EYS: variants seen among roughly 807,000 people sequenced by gnomAD.
EYS encodes the protein EGF-like photoreceptor maintenance factor, also known as protein eyes shut homolog.
EYS carries 250 observed loss-of-function variants against 282.1 expected under a neutral mutation model. That is an observed-to-expected ratio of 0.89 (90% CI 0.80 to 0.98). The LOEUF (loss-of-function observed/expected upper bound fraction) is 0.98, where lower values mean the gene tolerates loss of function less well. Among genes scored for constraint, EYS ranks in the 50% least tolerant of loss-of-function variants. EYS has a pLI of 0.00. For missense variants in EYS, 4,016 were observed against 3,709.0 expected (o/e 1.08, Z -2.15); for synonymous variants, 1,355 against 1,282.9 (o/e 1.06, Z -1.20).
At chr6:64,896,504 T>C (rs890804667) in intron 18 of EYS, among the ~76,000 whole-genome samples, 2 of 151,624 alleles carry the variant, frequency 1.3e-5, no homozygotes, top group African/African-American at 4.9e-5. Flanking sequence ...AAAAACTGGG[T>C]GGCCGTTTGG....
intron 30 of EYS, among the ~76,000 whole-genome samples, chr6:64,285,464 G>C (rs961757867): frequency 1.1e-4 from 17 of 152,168 alleles, no homozygotes; most frequent in African/African-American, 4.1e-4. Context: ...TGATTTCACT[G>C]TCCATATCAT....
chr6:65,456,516 C>T (rs1288831200), intron 5 of EYS, among the ~76,000 whole-genome samples: 1 of 151,816 alleles, frequency 6.6e-6, no homozygotes, highest in Non-Finnish European at 1.5e-5. Context: ...TTCATTACCA[C>T]TGTTCTTGTA....
In EYS at chr6:63,829,205, C is replaced by T. The variant is rs540567918; in HGVS notation, c.7229-22833G>A. ...ATTTCTGCATTTCCAACTGAGGTACCGGGTTCGTCTCACTGGGGCTTGTCA... is the reference window on the plus strand; with the variant it reads ...ATTTCTGCATTTCCAACTGAGGTACTGGGTTCGTCTCACTGGGGCTTGTCA... On this transcript the variant is annotated intron_variant, in intron 36 of 42. Transcript: ENST00000503581. Among the ~76,000 whole-genome samples, 17 of 152,212 alleles carry T rather than the reference C, an allele frequency of 1.1e-4. No individual in the cohort carries two copies. In the South Asian group the frequency reaches 1.5e-3, roughly 13 times the overall value.
intron 12 of EYS, among the ~76,000 whole-genome samples, chr6:65,198,783 G>A (rs1170380062): frequency 6.6e-6 from 1 of 152,100 alleles, no homozygotes; most frequent in African/African-American, 2.4e-5. Context: ...AGGGGGATTT[G>A]GTTGTTCAGA....
rs116079071 is a variant in EYS at position 63,980,274 on chromosome 6, G to T, written c.7055+4109C>A. The stretch of plus-strand genomic sequence containing the variant: ...GATTAGAATGCTCAAGAGTGTGTGT[G>T]TGTGTGTGTTGAAAAATCTCTCTTT... On this transcript the variant is annotated intron_variant, in intron 35 of 42. Transcript: ENST00000503581. 7.9e-3 allele frequency among the ~76,000 whole-genome samples: 1,203 copies of T among 151,846 alleles called. 5 individuals are homozygous for T. Among genetic ancestry groups the T allele is most frequent in the Middle Eastern group, 0.017 (5 of 294 alleles).
intron 25 of EYS, among the ~76,000 whole-genome samples, 192 bp downstream of exon 25, chr6:64,592,925 A>G (rs902138747): frequency 1.3e-5 from 2 of 152,152 alleles, no homozygotes; most frequent in African/African-American, 4.8e-5. Context: ...CTGATCCAGA[A>G]ATAGTATTAG....
chr6:65,124,291 C>T (rs529237818), intron 12 of EYS, among the ~76,000 whole-genome samples: 1 of 152,214 alleles, frequency 6.6e-6, no homozygotes, highest in Admixed American at 6.5e-5. Flanking sequence ...TTGATGTTCG[C>T]TTTGTCACAT....
rs551782625 is a variant in EYS at position 65,028,808 on chromosome 6, T to C, written c.2137+28806A>G. On this transcript the variant is annotated intron_variant, in intron 13 of 42. Coordinates refer to ENST00000503581, the MANE Select transcript of EYS (RefSeq NM_001142800.2). ...AAGAACTATAAACATGTATTTTTGTTAAAGAATCTTTCACCCACTAGTTTA... is the reference window on the plus strand; with the variant it reads ...AAGAACTATAAACATGTATTTTTGTCAAAGAATCTTTCACCCACTAGTTTA... 4.6e-5 allele frequency among the ~76,000 whole-genome samples: 7 copies of C among 152,240 alleles called. No individual in the cohort carries two copies. In the South Asian group the frequency reaches 1.4e-3, roughly 32 times the overall value.
intron 29 of EYS, among the ~76,000 whole-genome samples, chr6:64,350,339 A>AC (rs1771578377): frequency 6.6e-6 from 1 of 151,376 alleles, no homozygotes; most frequent in South Asian, 2.1e-4. Context: ...TGCTTAAAAA[A>AC]AGTTTATTTT....
intron 12 of EYS, among the ~76,000 whole-genome samples, chr6:65,164,459 TTAC>T (rs1200412131): frequency 8.6e-5 from 13 of 151,286 alleles, no homozygotes; most frequent in Admixed American, 6.6e-4. Context: ...TTTCCTTTTC[TTAC>T]TATATGCTTT....
intron 30 of EYS, among the ~76,000 whole-genome samples, chr6:64,286,353 T>C (rs561876498): frequency 6.6e-6 from 1 of 152,168 alleles, no homozygotes; most frequent in Admixed American, 6.5e-5. Context: ...TATGACACAA[T>C]TAATACAATG....
intron 22 of EYS, among the ~76,000 whole-genome samples, chr6:64,718,440 C>A (rs2149940856): frequency 6.6e-6 from 1 of 152,270 alleles, no homozygotes; most frequent in South Asian, 2.1e-4. Flanking sequence ...AGGTAAAATA[C>A]ATATTTCATG....
At chr6:64,978,359 G>A (rs1394965001) in intron 14 of EYS, among the ~76,000 whole-genome samples, 10 of 151,910 alleles carry the variant, frequency 6.6e-5, no homozygotes, top group Admixed American at 3.9e-4. Flanking sequence ...TTACAGCATG[G>A]CTTACTGAAT....
intron 2 of EYS, among the ~76,000 whole-genome samples, chr6:65,522,036 C>CT (rs1401556579): frequency 2.0e-5 from 3 of 152,062 alleles, no homozygotes; most frequent in Non-Finnish European, 4.4e-5. Context: ...CAAAAAATCA[C>CT]TTTTAACATT....
chr6:64,261,874 T>C (rs2150353376), intron 30 of EYS, among the ~76,000 whole-genome samples: 1 of 152,044 alleles, frequency 6.6e-6, no homozygotes, highest in African/African-American at 2.4e-5. Context: ...CTCCCACCTC[T>C]TCCTCCTGAG....
intron 15 of EYS, among the ~76,000 whole-genome samples, chr6:64,919,042 T>A (rs920930907): frequency 6.6e-6 from 1 of 152,194 alleles, no homozygotes; most frequent in Non-Finnish European, 1.5e-5. Flanking sequence ...TTTTATAGAA[T>A]CTTAGGTACA....
At chr6:64,716,995 A>C (rs889024979) in intron 22 of EYS, among the ~76,000 whole-genome samples, 1 of 152,182 alleles carries the variant, frequency 6.6e-6, no homozygotes, top group African/African-American at 2.4e-5. Context: ...GCAGTCTTAG[A>C]GTCTTCTGCT....
At chr6:64,766,650 AT>A (rs57497544) in intron 22 of EYS, among the ~76,000 whole-genome samples, 536 of 27,560 alleles carry the variant, frequency 0.019, 22 homozygotes, top group East Asian at 0.13. Context: ...AAAAAAAAAA[AT>A]ATATATATAT....
At chr6:65,229,039 C>T (rs995234127) in intron 12 of EYS, among the ~76,000 whole-genome samples, 1 of 151,814 alleles carries the variant, frequency 6.6e-6, no homozygotes, top group Non-Finnish European at 1.5e-5. Context: ...TAAAAGTAAC[C>T]ATAAGGAAAG....
Sources: allele counts gnomAD v4.1 joint callset (sites outside exome capture counted in the v4.1 genomes callset), GRCh38; gene constraint gnomAD v4.1.1; transcripts MANE v1.5; gene names NCBI Gene and HGNC (gene_info 2026-07-23, HGNC 2026-07-21).